Variants in PKNOX1 observed in about 807,000 individuals in gnomAD.
The protein encoded by PKNOX1 is PBX/knotted 1 homeobox 1, also known as homeobox protein PKNOX1.
In PKNOX1, 15 loss-of-function variants were observed where a neutral mutation model predicts 51.9. The ratio of observed to expected loss-of-function variants is 0.29; its 90% CI spans 0.19 to 0.45. PKNOX1 has a LOEUF of 0.45. PKNOX1 is among the 20% of genes least tolerant of loss of function. The probability of loss-of-function intolerance (pLI) is 1.00; values close to 1 mark genes in which losing one functional copy is unlikely to be tolerated. For synonymous variants in PKNOX1, 219 were observed against 211.1 expected (o/e 1.04, Z -0.32); for missense variants, 462 against 547.5 (o/e 0.84, Z 1.56).
intron 2 of PKNOX1, among the ~76,000 whole-genome samples, chr21:43,005,471 T>C (rs923239254): frequency 6.6e-6 from 1 of 151,968 alleles, no homozygotes; most frequent in Non-Finnish European, 1.5e-5. Context: ...AGGGAGATTC[T>C]GTGATGTAGT....
chr21:43,003,652 G>C (rs886742677), intron 1 of PKNOX1, among the ~76,000 whole-genome samples: 31 of 152,306 alleles, frequency 2.0e-4, no homozygotes, highest in Middle Eastern at 3.4e-3. Flanking sequence ...TTGACCCTGT[G>C]TATTGTGTCT....
chr21:42,986,383 C>G (rs1464589621), intron 1 of PKNOX1, among the ~76,000 whole-genome samples: 1 of 152,008 alleles, frequency 6.6e-6, no homozygotes, highest in African/African-American at 2.4e-5. Context: ...TGCCTGTAAT[C>G]CCAGCTACTG....
chr21:43,005,659 C>T (rs552477735), intron 2 of PKNOX1, among the ~76,000 whole-genome samples: 178 of 152,156 alleles, frequency 1.2e-3, no homozygotes, highest in African/African-American at 3.5e-3. Context: ...TCGTCTGGCC[C>T]CTCTGGACCC....
chr21:43,008,511 C>G (rs1465033669), intron 3 of PKNOX1, among the ~76,000 whole-genome samples: 1 of 152,228 alleles, frequency 6.6e-6, no homozygotes, highest in African/African-American at 2.4e-5. Context: ...GGCGCAGTGG[C>G]TCACACCTGT....
chr21:42,980,874 A>G (rs984331114), intron 1 of PKNOX1, among the ~76,000 whole-genome samples: 4 of 152,228 alleles, frequency 2.6e-5, no homozygotes, highest in African/African-American at 9.6e-5. Context: ...TTCAGCTAGA[A>G]GTTTTTGCCT....
chr21:43,024,220 G>A (rs539325777), intron 8 of PKNOX1, among the ~76,000 whole-genome samples: 14 of 152,228 alleles, frequency 9.2e-5, no homozygotes, highest in African/African-American at 3.1e-4. Context: ...TGATTCCTGT[G>A]GTACCCATGA....
In PKNOX1 at chr21:42,976,824, A is replaced by G. The variant is rs151075595; in HGVS notation, c.-57+2160A>G. ...CTTCCTTCCATGAATCATGAATGGC[A>G]TCTAGAATGGCAGATTCTTTCCAGA... On this transcript the variant is annotated intron_variant, in intron 1 of 10. Coordinates refer to ENST00000291547, the MANE Select transcript of PKNOX1 (RefSeq NM_004571.5). Among the ~76,000 whole-genome samples the G allele has an allele frequency of 3.9e-5, 6 of 152,300 alleles. No individual in the cohort carries two copies. In the East Asian group the frequency reaches 9.6e-4, roughly 24 times the overall value.
chr21:43,028,944 C>G, intron 10 of PKNOX1, 70 bp downstream of exon 10: 1 of 1,489,092 alleles, frequency 6.7e-7, no homozygotes, highest in Middle Eastern at 1.8e-4. Flanking sequence ...AGGCCTGGAT[C>G]AGGCCTGTTA....
chr21:43,006,772 C>T (rs530731452), intron 2 of PKNOX1, among the ~76,000 whole-genome samples: 12 of 152,292 alleles, frequency 7.9e-5, no homozygotes, highest in South Asian at 4.1e-4. Context: ...CCAAATCCAC[C>T]GCGGGAGAAA....
chr21:43,018,130 G>T lies in PKNOX1; in HGVS notation c.623-3G>T. The T allele has an allele frequency of 6.4e-7, 1 of 1,567,892 alleles. No homozygotes were observed. Among genetic ancestry groups the T allele is most frequent in the Non-Finnish European group, 8.8e-7 (1 of 1,142,282 alleles). The stretch of plus-strand genomic sequence containing the variant: ...GCCTCATATTTTTATTCTCCCTTTC[G>T]AGGTGGCACAGTGTATCAGCCTGTC... On this transcript the variant is annotated splice_polypyrimidine_tract_variant and splice_region_variant and intron_variant, in intron 6 of 10. Transcript: ENST00000291547.
chr21:42,994,540 C>G (rs1171749450), intron 1 of PKNOX1, among the ~76,000 whole-genome samples: 1 of 151,096 alleles, frequency 6.6e-6, no homozygotes, highest in Non-Finnish European at 1.5e-5. Flanking sequence ...TCTGACTTTT[C>G]CCTCATATTA....
Position 43,009,664 on chromosome 21 carries a change from A to G in PKNOX1, c.180-389A>G, listed in dbSNP as rs188452681. On this transcript the variant is annotated intron_variant, in intron 3 of 10. Coordinates refer to ENST00000291547, the MANE Select transcript of PKNOX1 (RefSeq NM_004571.5). ...GTACTGATACCCGTAAAACACTGGT[A>G]AGCCTTGGACACTTTATGCTGAGGG... Among the ~76,000 whole-genome samples, 32 of 151,220 alleles carry G rather than the reference A, an allele frequency of 2.1e-4. No individual in the cohort carries two copies. The East Asian group carries it at 6.0e-3, about 28-fold the overall frequency.
At chr21:43,009,234 G>A (rs1979133230) in intron 3 of PKNOX1, among the ~76,000 whole-genome samples, 2 of 152,040 alleles carry the variant, frequency 1.3e-5, no homozygotes, top group Admixed American at 1.3e-4. Flanking sequence ...GATCATCTGA[G>A]GTCAGGAGTT....
intron 6 of PKNOX1, chr21:43,017,703 A>G (rs1335085373): frequency 6.3e-6 from 1 of 158,936 alleles, no homozygotes; most frequent in Non-Finnish European, 1.4e-5. Context: ...CTCACACCCC[A>G]GGTCAGTTGG....
intron 7 of PKNOX1, among the ~76,000 whole-genome samples, chr21:43,018,746 C>T (rs183005515): frequency 8.1e-4 from 123 of 152,082 alleles, no homozygotes; most frequent in African/African-American, 2.7e-3. Context: ...GCTATCTCTG[C>T]GGCTGCTGAG....
chr21:43,009,708 G>A (rs1041173743), intron 3 of PKNOX1, among the ~76,000 whole-genome samples: 3 of 151,652 alleles, frequency 2.0e-5, no homozygotes, highest in Non-Finnish European at 2.9e-5. Flanking sequence ...CAGACACCAC[G>A]GTCACAGGTT....
At chr21:43,004,953 A>G (rs1056265643) in intron 2 of PKNOX1, among the ~76,000 whole-genome samples, 1 of 152,164 alleles carries the variant, frequency 6.6e-6, no homozygotes, top group African/African-American at 2.4e-5. Context: ...CCCTCCCACC[A>G]TAGATGAGAC....
At chr21:42,987,255 G>A (rs1365249189) in intron 1 of PKNOX1, among the ~76,000 whole-genome samples, 1 of 150,980 alleles carries the variant, frequency 6.6e-6, no homozygotes, top group Non-Finnish European at 1.5e-5. Context: ...GGTGGCGCAT[G>A]CCTGTAATCC....
chr21:42,977,893 T>C (rs2059005785), intron 1 of PKNOX1, among the ~76,000 whole-genome samples: 1 of 152,042 alleles, frequency 6.6e-6, no homozygotes, highest in Non-Finnish European at 1.5e-5. Context: ...TTCATAGAAT[T>C]GAAGAAAACT....
Sources: allele counts gnomAD v4.1 joint callset (sites outside exome capture counted in the v4.1 genomes callset), GRCh38; gene constraint gnomAD v4.1.1; transcripts MANE v1.5; gene names NCBI Gene and HGNC (gene_info 2026-07-23, HGNC 2026-07-21).